Variants in RAP1GAP2 observed in about 807,000 individuals in gnomAD.
RAP1GAP2 encodes rap1 GTPase-activating protein 2.
A neutral mutation model predicts 95.0 loss-of-function variants in RAP1GAP2; 27 were observed. The observed-to-expected ratio is 0.28, with a 90% CI of 0.21 to 0.39. The LOEUF (loss-of-function observed/expected upper bound fraction) is 0.39, where lower values mean the gene tolerates loss of function less well. Among genes scored for constraint, RAP1GAP2 ranks in the 10% least tolerant of loss-of-function variants. RAP1GAP2 has a pLI of 1.00. For missense variants in RAP1GAP2, 771 were observed against 970.0 expected, an observed-to-expected ratio of 0.79 and a Z score of 2.72; for synonymous variants, 373 against 380.9, an observed-to-expected ratio of 0.98 and a Z score of 0.24.
At chr17:2,815,268 C>T (rs78737926) in intron 2 of RAP1GAP2, among the ~76,000 whole-genome samples, 3 of 152,058 alleles carry the variant, frequency 2.0e-5, no homozygotes, top group African/African-American at 4.8e-5. Context: ...GTCAGGTTCA[C>T]GTACTCTGGG....
At chr17:2,755,803 G>T in intron 1 of RAP1GAP2, 1 of 352,578 alleles carries the variant, frequency 2.8e-6, no homozygotes, top group South Asian at 1.3e-4. Context: ...GCCTAATGCG[G>T]GAGCGAACCC....
chr17:2,852,943 G>A (rs909796077), intron 2 of RAP1GAP2, among the ~76,000 whole-genome samples: 1 of 152,006 alleles, frequency 6.6e-6, no homozygotes, highest in Non-Finnish European at 1.5e-5. Flanking sequence ...GCGGCTGGCA[G>A]GGGCGGGAGG....
At chr17:2,832,830 G>T (rs2070948101) in intron 2 of RAP1GAP2, among the ~76,000 whole-genome samples, 1 of 151,594 alleles carries the variant, frequency 6.6e-6, no homozygotes, top group African/African-American at 2.4e-5. Flanking sequence ...ACAAAAAGTA[G>T]CTGGGCGTGG....
chr17:3,018,095 C>A lies in RAP1GAP2; in HGVS notation c.1529C>A (p.Thr510Asn). Residue 510 changes from threonine to asparagine, a missense_variant, in exon 18 of 25, where the codon ACC (threonine) becomes AAC (asparagine). Coordinates refer to ENST00000254695, the MANE Select transcript of RAP1GAP2 (RefSeq NM_015085.5). ...AIRVRSHSME[T>N]MVGGQKKSHS... ...CGCGTACGCAGCCACTCCATGGAGACCATGGTGGGCGGCCAGAAGAAGTCG... is the reference window on the plus strand; with the variant it reads ...CGCGTACGCAGCCACTCCATGGAGAACATGGTGGGCGGCCAGAAGAAGTCG... 6.3e-7 allele frequency: 1 copy of A among 1,592,056 alleles called. No homozygotes were observed. The highest frequency in any genetic ancestry group is 8.5e-7 in the Non-Finnish European group (1 of 1,169,704).
At chr17:2,942,798 T>C (rs1370349878) in intron 3 of RAP1GAP2, among the ~76,000 whole-genome samples, 1 of 152,130 alleles carries the variant, frequency 6.6e-6, no homozygotes, top group African/African-American at 2.4e-5. Flanking sequence ...GACGGAGTCT[T>C]GCTCTGTCAC....
At chr17:2,769,541 C>T (rs982269686) in intron 1 of RAP1GAP2, among the ~76,000 whole-genome samples, 1 of 149,662 alleles carries the variant, frequency 6.7e-6, no homozygotes, top group African/African-American at 2.5e-5. Flanking sequence ...GGTGACAGAG[C>T]GAGACTCCAT....
At chr17:2,837,607 CT>C (rs36019609) in intron 2 of RAP1GAP2, among the ~76,000 whole-genome samples, 87,835 of 122,016 alleles carry the variant, frequency 0.72, 31,445 homozygotes, top group African/African-American at 0.84. Context: ...AGCCCTGCTT[CT>C]TTTTTTTTTT....
At chr17:2,842,410 A>G (rs1490610718) in intron 2 of RAP1GAP2, among the ~76,000 whole-genome samples, 3 of 151,764 alleles carry the variant, frequency 2.0e-5, no homozygotes, top group African/African-American at 4.8e-5. Context: ...CATGCCTGTA[A>G]TCCCAGCTAC....
intron 3 of RAP1GAP2, among the ~76,000 whole-genome samples, chr17:2,946,601 C>A (rs1439730448): frequency 3.3e-5 from 5 of 152,224 alleles, no homozygotes; most frequent in Non-Finnish European, 7.3e-5. Flanking sequence ...CTTGCCACAT[C>A]TCTGCTCTGG....
At chr17:2,844,273 G>C (rs1463748548) in intron 2 of RAP1GAP2, among the ~76,000 whole-genome samples, 1 of 152,136 alleles carries the variant, frequency 6.6e-6, no homozygotes, top group African/African-American at 2.4e-5. Context: ...GCCCGCCTCG[G>C]CCTCCCAAAG....
At chr17:2,894,161 C>T (rs2073812429) in intron 2 of RAP1GAP2, among the ~76,000 whole-genome samples, 1 of 150,920 alleles carries the variant, frequency 6.6e-6, no homozygotes, top group Admixed American at 6.6e-5. Context: ...GTGGCCCATG[C>T]CTGCAATCCC....
intron 3 of RAP1GAP2, among the ~76,000 whole-genome samples, chr17:2,924,045 G>T (rs1275828714): frequency 6.6e-6 from 1 of 152,232 alleles, no homozygotes; most frequent in Non-Finnish European, 1.5e-5. Flanking sequence ...TTCTCTAAGA[G>T]TTCTCTAACA....
rs1243474688 is a variant in RAP1GAP2 at position 2,815,842 on chromosome 17, G to A, written c.80+15292G>A. 2.0e-5 allele frequency among the ~76,000 whole-genome samples: 3 copies of A among 152,232 alleles called. No homozygotes were observed. The South Asian group carries it at 6.2e-4, about 31-fold the overall frequency. ...GGTCACACACGTGTAACTGTGCGAT[G>A]TGCCCTCGTGCCTGCAGGCGTACCT... is the stretch of plus-strand genomic sequence containing the variant. On this transcript the variant is annotated intron_variant, in intron 2 of 24. Transcript: ENST00000254695.
rs564175549 is a variant in RAP1GAP2, at chr17:3,027,199, G to A, written c.2107+129G>A. The stretch of plus-strand genomic sequence containing the variant: ...CCTCCTCCCAGCTGTGAGGCCCTCC[G>A]CTCTGTGCGCCCGCCTCTTCTGTTC... On this transcript the variant is annotated intron_variant, in intron 22 of 24. Coordinates refer to ENST00000254695, the MANE Select transcript of RAP1GAP2 (RefSeq NM_015085.5). This position sits in a 1 kb window ranked among gnomAD's most constrained non-coding sequence, Gnocchi z 5.2. 9.3e-6 allele frequency: 11 copies of A among 1,186,862 alleles called. No individual in the cohort carries two copies. Among genetic ancestry groups the A allele is most frequent in the South Asian group, 1.7e-5 (1 of 58,286 alleles). The allele number at this position is 1,186,862 out of a possible 1,614,324, so 73.5% of individuals were successfully genotyped here.
intron 2 of RAP1GAP2, among the ~76,000 whole-genome samples, chr17:2,851,902 G>C (rs1228314245): frequency 6.6e-6 from 1 of 152,154 alleles, no homozygotes; most frequent in Non-Finnish European, 1.5e-5. Context: ...ACCTGAACTA[G>C]CTCCCACACT....
At chr17:2,835,369 G>A (rs2071085565) in intron 2 of RAP1GAP2, among the ~76,000 whole-genome samples, 1 of 151,814 alleles carries the variant, frequency 6.6e-6, no homozygotes, top group Admixed American at 6.6e-5. Context: ...ACAGGTGTGC[G>A]CCACCACACC....
At chr17:2,966,208 C>T (rs972876535) in intron 8 of RAP1GAP2, among the ~76,000 whole-genome samples, 2 of 152,210 alleles carry the variant, frequency 1.3e-5, no homozygotes, top group Non-Finnish European at 2.9e-5. Flanking sequence ...GTTTAGCTAA[C>T]ATGTTTTGTA....
At chr17:2,850,591 A>C (rs1171682356) in intron 2 of RAP1GAP2, among the ~76,000 whole-genome samples, 1 of 150,354 alleles carries the variant, frequency 6.7e-6, no homozygotes, top group Non-Finnish European at 1.5e-5. Flanking sequence ...TACTAAAAAT[A>C]CAAAAAAAAC....
In RAP1GAP2 at chr17:2,904,104, T is replaced by C. The variant is rs375611487; in HGVS notation, c.81-1180T>C. The stretch of plus-strand genomic sequence containing the variant: ...GGGGCTGTAGAGGAGGACACACTTG[T>C]AAAGTTGGGGGCTTTGACGGCTCAG... On this transcript the variant is annotated intron_variant, in intron 2 of 24. Transcript: ENST00000254695. The surrounding 1 kb of genome is among the most constrained non-coding windows in gnomAD (Gnocchi z 4.7). 6.6e-6 allele frequency among the ~76,000 whole-genome samples: 1 copy of C among 152,202 alleles called. No homozygotes were observed. The highest frequency in any genetic ancestry group is 2.4e-5 in the African/African-American group (1 of 41,458).
Sources: allele counts gnomAD v4.1 joint callset (sites outside exome capture counted in the v4.1 genomes callset), GRCh38; gene constraint gnomAD v4.1.1; non-coding constraint Gnocchi (gnomAD v3.1); transcripts MANE v1.5; gene names NCBI Gene and HGNC (gene_info 2026-07-23, HGNC 2026-07-21).